The following KIF6 variants were observed in gnomAD, a reference collection of about 807,000 sequenced individuals.
KIF6 encodes the protein kinesin family member 6.
In KIF6, 106 loss-of-function variants were observed where a neutral mutation model predicts 112.7. The observed-to-expected ratio is 0.94, with a 90% CI of 0.80 to 1.11. The LOEUF is 1.11. KIF6 is among the 50% of genes least tolerant of loss of function. The pLI is 0.00. For missense variants in KIF6, 929 were observed against 964.0 expected, an observed-to-expected ratio of 0.96 and a Z score of 0.48; for synonymous variants, 339 against 339.9, an observed-to-expected ratio of 1.00 and a Z score of 0.03.
chr6:39,357,473 G>C (rs934029074), intron 18 of KIF6, 99 bp from the exon 19 acceptor site: 4 of 696,112 alleles, frequency 5.7e-6, no homozygotes, highest in African/African-American at 1.9e-5. Context: ...TTTTGAGATG[G>C]AGTCTCGCTC....
At chr6:39,699,090 A>G (rs1203983994) in intron 3 of KIF6, among the ~76,000 whole-genome samples, 1 of 152,214 alleles carries the variant, frequency 6.6e-6, no homozygotes, top group African/African-American at 2.4e-5. Context: ...TGTGATTGGG[A>G]ATCATTAGTG....
chr6:39,492,896 C>G (rs181790998), intron 13 of KIF6, among the ~76,000 whole-genome samples: 2 of 152,172 alleles, frequency 1.3e-5, no homozygotes, highest in African/African-American at 4.8e-5. Context: ...AGCACAGAAC[C>G]TGTCATATTT....
At chr6:39,380,035 T>A (rs1221637992) in intron 16 of KIF6, among the ~76,000 whole-genome samples, 1 of 152,254 alleles carries the variant, frequency 6.6e-6, no homozygotes, top group East Asian at 1.9e-4. Flanking sequence ...AAACATTTGC[T>A]GATTAGTCTC....
intron 19 of KIF6, among the ~76,000 whole-genome samples, chr6:39,346,850 T>C (rs999526839): frequency 3.3e-5 from 5 of 152,136 alleles, no homozygotes; most frequent in Admixed American, 6.5e-5. Context: ...GGTTTCACCA[T>C]ATTGGCCAGG....
At chr6:39,344,067 T>A (rs1454853855) in intron 21 of KIF6, among the ~76,000 whole-genome samples, 1 of 152,176 alleles carries the variant, frequency 6.6e-6, no homozygotes, top group Non-Finnish European at 1.5e-5. Context: ...CCAAATCTCA[T>A]CTTGAACTGT....
chr6:39,679,596 C>T (rs1272163922), intron 3 of KIF6, among the ~76,000 whole-genome samples: 2 of 149,238 alleles, frequency 1.3e-5, no homozygotes, highest in Non-Finnish European at 3.0e-5. Flanking sequence ...TAATACATGG[C>T]AGGGTTTCTT....
intron 3 of KIF6, among the ~76,000 whole-genome samples, chr6:39,704,604 A>T (rs302594): frequency 0.87 from 131,553 of 151,724 alleles, 57,331 homozygotes; most frequent in East Asian, 0.97. Flanking sequence ...GGTGACAGAG[A>T]GAAACTCCGT....
At chr6:39,412,571 T>C (rs1769560736) in intron 15 of KIF6, among the ~76,000 whole-genome samples, 1 of 152,246 alleles carries the variant, frequency 6.6e-6, no homozygotes, top group African/African-American at 2.4e-5. Flanking sequence ...TATCATCAAG[T>C]AATACACAGT....
chr6:39,649,102 A>T (rs1463029070), intron 3 of KIF6, among the ~76,000 whole-genome samples: 1 of 152,084 alleles, frequency 6.6e-6, no homozygotes, highest in Non-Finnish European at 1.5e-5. Flanking sequence ...CTTCAAGGTT[A>T]CTGTGAGCTA....
intron 8 of KIF6, 110 bp from the exon 9 acceptor site, chr6:39,585,094 G>C (rs530169695): frequency 1.3e-5 from 9 of 685,104 alleles, no homozygotes; most frequent in South Asian, 1.3e-4. Context: ...AAAAAGTGAT[G>C]TGTATAAAAC....
intron 19 of KIF6, among the ~76,000 whole-genome samples, chr6:39,352,792 T>C (rs1285109775): frequency 6.6e-6 from 1 of 152,090 alleles, no homozygotes; most frequent in Admixed American, 6.5e-5. Flanking sequence ...TTAGTAGAGG[T>C]TGGGTTTCAC....
chr6:39,530,234 G>A (rs1193959305), intron 13 of KIF6, among the ~76,000 whole-genome samples: 2 of 152,200 alleles, frequency 1.3e-5, no homozygotes, highest in Non-Finnish European at 2.9e-5. Flanking sequence ...TACAGCTTTG[G>A]CTTTCATTTC....
At chr6:39,374,118 C>G (rs1157453033) in intron 16 of KIF6, among the ~76,000 whole-genome samples, 1 of 152,150 alleles carries the variant, frequency 6.6e-6, no homozygotes, top group African/African-American at 2.4e-5. Flanking sequence ...CAAGATCATA[C>G]ATGGGGAAAC....
At chr6:39,360,928 G>C (rs1329148289) in intron 17 of KIF6, among the ~76,000 whole-genome samples, 1 of 152,170 alleles carries the variant, frequency 6.6e-6, no homozygotes, top group African/African-American at 2.4e-5. Flanking sequence ...TACAGATTCG[G>C]AACCTGAGAC....
intron 13 of KIF6, among the ~76,000 whole-genome samples, chr6:39,523,090 A>T (rs1289628191): frequency 6.6e-6 from 1 of 152,132 alleles, no homozygotes; most frequent in Non-Finnish European, 1.5e-5. Flanking sequence ...CCCTCCCTCC[A>T]AACCTACTTT....
At chr6:39,371,240 G>C (rs1765958796) in intron 16 of KIF6, among the ~76,000 whole-genome samples, 1 of 152,058 alleles carries the variant, frequency 6.6e-6, no homozygotes, top group Admixed American at 6.6e-5. Flanking sequence ...TTTCTCACGG[G>C]GCCACCTAGA....
At chr6:39,650,443 G>C (rs940863332) in intron 3 of KIF6, among the ~76,000 whole-genome samples, 2 of 151,936 alleles carry the variant, frequency 1.3e-5, no homozygotes, top group Non-Finnish European at 2.9e-5. Flanking sequence ...CCAGCATACA[G>C]TATTGAAAAG....
chr6:39,350,491 A>G (rs945595350), intron 19 of KIF6, among the ~76,000 whole-genome samples: 5 of 152,120 alleles, frequency 3.3e-5, no homozygotes, highest in African/African-American at 1.2e-4. Context: ...CCATGATAGT[A>G]GGCACAGTGC....
chr6:39,431,755 C>G (rs1164150519), intron 13 of KIF6, among the ~76,000 whole-genome samples: 6 of 152,084 alleles, frequency 3.9e-5, no homozygotes, highest in African/African-American at 1.4e-4. Flanking sequence ...CTTCAATATC[C>G]TGTATCGCCT....
Sources: gnomAD v4.1 joint callset for allele counts (sites outside exome capture counted in the v4.1 genomes callset) on GRCh38, gnomAD v4.1.1 for gene constraint, MANE v1.5 for transcripts, NCBI Gene and HGNC (gene_info 2026-07-23, HGNC 2026-07-21) for gene names.